Variants in DCDC1 observed in about 807,000 individuals in gnomAD.
DCDC1 encodes the protein doublecortin domain-containing protein 1.
In DCDC1, 200 loss-of-function variants were observed where a neutral mutation model predicts 178.3. That is an observed-to-expected ratio of 1.12 (90% CI 1.00 to 1.26). DCDC1 has a LOEUF of 1.26. Among genes scored for constraint, DCDC1 ranks in the 50% most tolerant of loss-of-function variants. The pLI, the probability that DCDC1 is intolerant of heterozygous loss-of-function variation, is 0.00. For synonymous variants in DCDC1, 690 were observed against 604.8 expected, an observed-to-expected ratio of 1.14 and a Z score of -2.07; for missense variants, 1,983 against 1,749.2, an observed-to-expected ratio of 1.13 and a Z score of -2.38.
intron 7 of DCDC1, among the ~76,000 whole-genome samples, chr11:31,273,342 T>A (rs1945725674): frequency 1.3e-5 from 2 of 152,224 alleles, no homozygotes; most frequent in Non-Finnish European, 2.9e-5. Flanking sequence ...CCAAGTCACA[T>A]CTTGAATGCT....
intron 9 of DCDC1, chr11:31,155,854 A>G (rs1219370401): frequency 6.6e-6 from 1 of 152,238 alleles, no homozygotes; most frequent in African/African-American, 2.4e-5. Context: ...CGTCCACAAT[A>G]TATCTCATAC....
chr11:31,209,111 G>C (rs1031033915), intron 9 of DCDC1, among the ~76,000 whole-genome samples: 1 of 152,172 alleles, frequency 6.6e-6, no homozygotes, highest in African/African-American at 2.4e-5. Context: ...AGAACATGAT[G>C]TTTAACGGAT....
At position 31,127,626 on chromosome 11, in the gene DCDC1, A is replaced by G. The variant is rs1306756082; in HGVS notation, c.1328T>C (p.Ile443Thr). The change falls in exon 11 of 39, where the codon ATT becomes ACT. Residue 443 changes from isoleucine (I) to threonine (T), a missense_variant. Coordinates refer to ENST00000684477, the MANE Select transcript of DCDC1 (RefSeq NM_001387274.1). ...HKEQEEVSRL[I>T]DELQTAIKSN... is the part of the protein sequence containing the mutation. ...TTTGATAGCTGTCTGCAATTCATCA[A>G]TCAGCCTGCTCACCTGAAGGGGTTA... is the stretch of plus-strand genomic sequence containing the variant. 6 of 702,516 alleles carry G rather than the reference A, an allele frequency of 8.5e-6. No individual in the cohort carries two copies. The highest frequency in any genetic ancestry group is 4.0e-5 in the Admixed American group (2 of 49,988). 43.5% of individuals were successfully genotyped at this position (702,516 alleles called of 1,614,324 possible).
chr11:30,929,850 T>C (rs1946823000), intron 22 of DCDC1, among the ~76,000 whole-genome samples: 1 of 152,208 alleles, frequency 6.6e-6, no homozygotes, highest in African/African-American at 2.4e-5. Flanking sequence ...TTAAGACTAA[T>C]TGACAAGATC....
intron 36 of DCDC1, among the ~76,000 whole-genome samples, chr11:30,888,094 AAGAAAAAGAAAGAAAG>A (rs1565029571): frequency 5.0e-5 from 6 of 118,948 alleles, no homozygotes; most frequent in African/African-American, 1.7e-4. Context: ...GAAAGAAAGA[AAGAAAAAGAAAGAAAG>A]AAAGAAAGAA....
intron 20 of DCDC1, among the ~76,000 whole-genome samples, chr11:30,979,727 T>C (rs1334044972): frequency 1.3e-5 from 2 of 152,152 alleles, no homozygotes; most frequent in Admixed American, 6.5e-5. Flanking sequence ...TGTTTAGACA[T>C]AAAGAGCCTT....
At chr11:31,083,041 C>T (rs1210825786) in intron 17 of DCDC1, among the ~76,000 whole-genome samples, 1 of 152,188 alleles carries the variant, frequency 6.6e-6, no homozygotes, top group East Asian at 1.9e-4. Flanking sequence ...CTGTCTGCTG[C>T]TATTCCTTAA....
At chr11:30,886,876 A>T (rs1306452972) in intron 36 of DCDC1, among the ~76,000 whole-genome samples, 4 of 152,164 alleles carry the variant, frequency 2.6e-5, no homozygotes, top group Non-Finnish European at 5.9e-5. Flanking sequence ...GTTTGAAAAG[A>T]TCCCAGAAAG....
Position 31,106,845 on chromosome 11 carries a change from G to A in DCDC1, c.1703C>T (p.Ser568Leu), listed in dbSNP as rs776704634. The change falls in exon 13 of 39, where the codon TCG (serine) becomes TTG (leucine). Residue 568 changes from serine to leucine, a missense_variant. Ser to Leu is a moderately radical substitution (Grantham distance 145, BLOSUM62 -2). Coordinates refer to ENST00000684477, the MANE Select transcript of DCDC1 (RefSeq NM_001387274.1). ...CCAAATTTTTTGCTCATTCTTCAGC[G>A]AAAGTGGATTCTTAATTTCTTGGCC... ...ENGQEIKNPLSLKNEQKIWVS... is the reference protein window; with the variant it reads ...ENGQEIKNPLLLKNEQKIWVS... The A allele has an allele frequency of 3.7e-5, 28 of 766,092 alleles. No individual in the cohort carries two copies. Among genetic ancestry groups the A allele is most frequent in the Admixed American group, 1.5e-4 (9 of 58,972 alleles). The allele number at this position is 766,092 out of a possible 1,614,324, so 47.5% of individuals were successfully genotyped here.
intron 38 of DCDC1, among the ~76,000 whole-genome samples, chr11:30,867,994 A>T (rs574790559): frequency 2.0e-5 from 3 of 152,168 alleles, no homozygotes; most frequent in African/African-American, 7.2e-5. Context: ...TATTCCTTCC[A>T]TTCTAATTAG....
chr11:31,024,084 T>C (rs1451536395), intron 20 of DCDC1, among the ~76,000 whole-genome samples: 1 of 152,050 alleles, frequency 6.6e-6, no homozygotes, highest in Non-Finnish European at 1.5e-5. Context: ...GAACATTCAC[T>C]GAAATTTTGT....
intron 20 of DCDC1, among the ~76,000 whole-genome samples, chr11:31,062,366 T>C (rs1462213402): frequency 1.3e-5 from 2 of 152,124 alleles, no homozygotes; most frequent in Non-Finnish European, 2.9e-5. Context: ...CTATTTTAGA[T>C]GAAAACATCA....
intron 2 of DCDC1, among the ~76,000 whole-genome samples, chr11:31,331,568 T>C (rs1949990630): frequency 6.6e-6 from 1 of 152,182 alleles, no homozygotes; most frequent in South Asian, 2.1e-4. Context: ...CAATACCTAG[T>C]TTATTGAGTT....
At chr11:31,257,568 A>G (rs1226534614) in intron 8 of DCDC1, among the ~76,000 whole-genome samples, 1 of 152,132 alleles carries the variant, frequency 6.6e-6, no homozygotes, top group African/African-American at 2.4e-5. Context: ...TATGATCAGA[A>G]TAGAACAGTG....
At chr11:30,929,855 A>ACTCACT (rs1946823174) in intron 22 of DCDC1, among the ~76,000 whole-genome samples, 2 of 152,120 alleles carry the variant, frequency 1.3e-5, no homozygotes, top group African/African-American at 4.8e-5. Context: ...ACTAATTGAC[A>ACTCACT]AGATCTTGTC....
At chr11:31,216,737 T>C (rs544555953) in intron 9 of DCDC1, among the ~76,000 whole-genome samples, 22 of 152,276 alleles carry the variant, frequency 1.4e-4, no homozygotes, top group Non-Finnish European at 2.8e-4. Flanking sequence ...GGGTCTTAGC[T>C]TTCCCCATAC....
At chr11:30,973,947 T>A (rs143929755) in intron 20 of DCDC1, among the ~76,000 whole-genome samples, 3 of 152,118 alleles carry the variant, frequency 2.0e-5, no homozygotes, top group Non-Finnish European at 4.4e-5. Context: ...TTTTTTCTCA[T>A]CAGTACATGG....
At chr11:31,237,286 C>A (rs1222911006) in intron 9 of DCDC1, among the ~76,000 whole-genome samples, 4 of 151,718 alleles carry the variant, frequency 2.6e-5, no homozygotes, top group South Asian at 4.2e-4. Flanking sequence ...TTTTAAACTG[C>A]AAAAACAATA....
chr11:31,140,442 G>A (rs1963682420), intron 9 of DCDC1, among the ~76,000 whole-genome samples: 1 of 152,134 alleles, frequency 6.6e-6, no homozygotes, highest in Non-Finnish European at 1.5e-5. Flanking sequence ...TAGTCATTGT[G>A]CACATGAAAA....
Sources: gnomAD v4.1 joint callset for allele counts (sites outside exome capture counted in the v4.1 genomes callset) on GRCh38, gnomAD v4.1.1 for gene constraint, MANE v1.5 for transcripts, NCBI Gene and HGNC (gene_info 2026-07-23, HGNC 2026-07-21) for gene names.